EXOSC9: variants seen among roughly 807,000 people sequenced by gnomAD.
The protein encoded by EXOSC9 is exosome component 9.
In EXOSC9, 38 loss-of-function variants were observed where a neutral mutation model predicts 56.5. The observed-to-expected ratio is 0.67, with a 90% CI of 0.52 to 0.88. The LOEUF (loss-of-function observed/expected upper bound fraction) is 0.88, where lower values mean the gene tolerates loss of function less well. Among genes scored for constraint, EXOSC9 ranks in the 40% least tolerant of loss-of-function variants. The probability of loss-of-function intolerance (pLI) is 0.00; values close to 1 mark genes in which losing one functional copy is unlikely to be tolerated. For synonymous variants in EXOSC9, 170 were observed against 170.8 expected (o/e 0.99, Z 0.04); for missense variants, 559 against 530.5 (o/e 1.05, Z -0.53).
rs1726864690 is a variant in EXOSC9, at chr4:121,801,555, T to TA, written c.66+66dup. On this transcript the variant is annotated intron_variant, in intron 1 of 11. Transcript: ENST00000243498. ...GCTCGGGTCTCAAGGTGTGGACTGA[T>TA]ACCTGGCCCGCCTGGGCCCGGGGAG... 4.8e-6 allele frequency: 7 copies of TA among 1,471,806 alleles called. No individual in the cohort carries two copies. In the Admixed American group the frequency reaches 1.0e-4, roughly 21 times the overall value. 91.2% of individuals were successfully genotyped at this position (1,471,806 alleles called of 1,614,324 possible).
chr4:121,812,279 G>T (rs910683528), intron 8 of EXOSC9, among the ~76,000 whole-genome samples: 1 of 152,256 alleles, frequency 6.6e-6, no homozygotes, highest in African/African-American at 2.4e-5. Flanking sequence ...ACAACACAGG[G>T]AACAGGAAAT....
At chr4:121,811,826 G>A (rs1259234883) in intron 8 of EXOSC9, among the ~76,000 whole-genome samples, 155 bp downstream of exon 8, 1 of 152,144 alleles carries the variant, frequency 6.6e-6, no homozygotes, top group Non-Finnish European at 1.5e-5. Flanking sequence ...ATTAAAAAGT[G>A]TAAATACCAT....
rs982833680 is a variant in EXOSC9 at position 121,801,864 on chromosome 4, T to A, written c.104T>A (p.Ile35Asn). 1.9e-6 allele frequency: 3 copies of A among 1,613,898 alleles called. No individual in the cohort carries two copies. The highest frequency in any genetic ancestry group is 2.5e-6 in the Non-Finnish European group (3 of 1,179,912). Reference sequence around the variant, plus strand: ...AGACAAACCTATGATTATAGGAACATCAGGATCTCATTTGGAACAGATTAC... The same window carrying A: ...AGACAAACCTATGATTATAGGAACAACAGGATCTCATTTGGAACAGATTAC... ...DGRQTYDYRN[I>N]RISFGTDYGC... Residue 35 changes from isoleucine to asparagine, a missense_variant, in exon 2 of 12, where the codon ATC becomes AAC. Coordinates refer to ENST00000243498, the MANE Select transcript of EXOSC9 (RefSeq NM_005033.3).
intron 11 of EXOSC9, 50 bp downstream of exon 11, chr4:121,816,497 T>A (rs572070376): frequency 8.3e-7 from 1 of 1,208,430 alleles, no homozygotes. Context: ...TCAACACTTA[T>A]AGAGGTTTGC....
rs573770664 is a variant in EXOSC9, at chr4:121,813,740, T to A, written c.975-126T>A. The A allele has an allele frequency of 3.6e-4, 240 of 674,102 alleles. 1 individual carries two copies. Among genetic ancestry groups the A allele is most frequent in the Non-Finnish European group, 4.9e-4 (201 of 413,342 alleles). 41.8% of individuals were successfully genotyped at this position (674,102 alleles called of 1,614,324 possible). On this transcript the variant is annotated intron_variant, in intron 9 of 11. Coordinates refer to ENST00000243498, the MANE Select transcript of EXOSC9 (RefSeq NM_005033.3). The stretch of plus-strand genomic sequence containing the variant: ...CCATCCATAGTGTAGCTATATTAAG[T>A]TTTTTTTCCCCTAGGAACTTGGGGC...
Position 121,816,840 on chromosome 4 carries a change from A to G in EXOSC9, c.1304A>G (p.Lys435Arg). 6.3e-7 allele frequency: 1 copy of G among 1,592,890 alleles called. No individual in the cohort carries two copies. Among genetic ancestry groups the G allele is most frequent in the Non-Finnish European group, 8.6e-7 (1 of 1,167,124 alleles). Residue 435 changes from lysine (K) to arginine (R), a missense_variant, in exon 12 of 12, where the codon AAG becomes AGG. Transcript: ENST00000243498. Reference sequence around the variant, plus strand: ...AAGCCAGTGAAAAGAAGAAAAAAGAAGAGAGCTGCCAATTAAAGCTAACAG... The same window carrying G: ...AAGCCAGTGAAAAGAAGAAAAAAGAGGAGAGCTGCCAATTAAAGCTAACAG... ...SKKPVKRRKK[K>R]RAAN
rs545304173 is a variant in EXOSC9 at position 121,816,883 on chromosome 4, T to TAACTA, written c.*28_*32dup. 68 of 1,512,118 alleles carry TAACTA rather than the reference T, an allele frequency of 4.5e-5. No homozygotes were observed. The highest frequency in any genetic ancestry group is 5.5e-5 in the Non-Finnish European group (62 of 1,124,162). 93.7% of individuals were successfully genotyped at this position (1,512,118 alleles called of 1,614,324 possible). ...GCTAACAGTTGTATATCTGTATATA[T>TAACTA]AACTATTAAAAGGGATATTTATTCC... is the stretch of plus-strand genomic sequence containing the variant. On this transcript the variant is annotated 3_prime_UTR_variant, in exon 12 of 12. Coordinates refer to ENST00000243498, the MANE Select transcript of EXOSC9 (RefSeq NM_005033.3).
rs200078687 is a variant in EXOSC9, at chr4:121,816,372, C to G, written c.1160C>G (p.Ala387Gly). 4.1e-6 allele frequency: 6 copies of G among 1,462,808 alleles called. No homozygotes were observed. The East Asian group carries it at 1.2e-4, about 29-fold the overall frequency. 90.6% of individuals were successfully genotyped at this position (1,462,808 alleles called of 1,614,324 possible). A position where few individuals can be genotyped will look rare whatever the true frequency, so the allele number is the denominator to read the frequency against. Reference sequence around the variant, plus strand: ...TTAAATTAATAAAAAAACAAAGATGCTCCCATAATACTCTCAGATAGTGAA... The same window carrying G: ...TTAAATTAATAAAAAAACAAAGATGGTCCCATAATACTCTCAGATAGTGAA... ...VEVSDIGSQDAPIILSDSEEE... is the reference protein window; with the variant it reads ...VEVSDIGSQDGPIILSDSEEE... The change falls in exon 11 of 12, where the codon GCT becomes GGT. Residue 387 changes from alanine (A) to glycine (G), a missense_variant. Coordinates refer to ENST00000243498, the MANE Select transcript of EXOSC9 (RefSeq NM_005033.3).
In EXOSC9 at chr4:121,814,066, C is replaced by T. The variant is rs1369257082; in HGVS notation, c.1156+19C>T. On this transcript the variant is annotated intron_variant, in intron 10 of 11. Coordinates refer to ENST00000243498, the MANE Select transcript of EXOSC9 (RefSeq NM_005033.3). The stretch of plus-strand genomic sequence containing the variant: ...AGCCAAGGTAGGTGACACTTTATGG[C>T]ACACTTACTATATATTACATACATA... 5 of 1,372,796 alleles carry T rather than the reference C, an allele frequency of 3.6e-6. No individual in the cohort carries two copies. The African/African-American group carries it at 1.0e-4, about 29-fold the overall frequency. 85.0% of individuals were successfully genotyped at this position (1,372,796 alleles called of 1,614,324 possible).
chr4:121,809,219 T>C lies in EXOSC9; in HGVS notation c.606-748T>C, dbSNP rs921702118. On this transcript the variant is annotated intron_variant, in intron 6 of 11. Coordinates refer to ENST00000243498, the MANE Select transcript of EXOSC9 (RefSeq NM_005033.3). ...CCAGGCTGGTCCCAAACTCATGAGC[T>C]CAAGTGATCTTGCAGTCCTGACCTC... is the stretch of plus-strand genomic sequence containing the variant. 5.9e-5 allele frequency among the ~76,000 whole-genome samples: 9 copies of C among 151,840 alleles called. No homozygotes were observed. In the South Asian group the frequency reaches 6.2e-4, roughly 11 times the overall value.
chr4:121,807,551 A>G lies in EXOSC9; in HGVS notation c.534A>G (p.Glu178=), dbSNP rs974923996. 1.3e-5 allele frequency: 21 copies of G among 1,608,954 alleles called. No homozygotes were observed. The highest frequency in any genetic ancestry group is 1.7e-5 in the Non-Finnish European group (20 of 1,175,454). The change falls in exon 6 of 12, where the codon GAA becomes GAG. Residue 178 remains glutamate, a synonymous_variant. Transcript: ENST00000243498. ...TTCTTTTGAAACAGTATACACCTGA[A>G]GAGCGTGATCCTGTACCATTAAGTA... ...QGDEVTLYTP[E]ERDPVPLSIH...
Position 121,813,385 on chromosome 4 carries a change from C to A in EXOSC9, c.974+5C>A. On this transcript the variant is annotated splice_donor_5th_base_variant and intron_variant, in intron 9 of 11. Transcript: ENST00000243498. ...AGCAGAACCTCCTTCAGAAGTGTAT[C>A]TTTATTTGGTGGTTTTTGCAGTAAC... 6.2e-7 allele frequency: 1 copy of A among 1,610,006 alleles called. No homozygotes were observed. The highest frequency in any genetic ancestry group is 8.5e-7 in the Non-Finnish European group (1 of 1,178,588).
rs372318863 is a variant in EXOSC9 at position 121,804,718 on chromosome 4, C to T, written c.481C>T (p.Arg161Ter). Residue 161 changes from arginine to a stop codon, truncating the protein, a stop_gained, in exon 5 of 12, where the codon CGA (arginine) becomes TGA (stop). Coordinates refer to ENST00000243498, the MANE Select transcript of EXOSC9 (RefSeq NM_005033.3). LOFTEE classifies it high-confidence loss of function. ...IAAIVALCHF[R>*]RPDVSVQGDE... is the part of the protein sequence containing the mutation. ...TGCAATCGTGGCCTTATGTCATTTC[C>T]GAAGACCTGATGTCTCTGTCCAAGG... The T allele has an allele frequency of 1.5e-5, 25 of 1,612,964 alleles. No homozygotes were observed. The highest frequency in any genetic ancestry group is 1.5e-4 in the African/African-American group (11 of 74,902).
intron 5 of EXOSC9, among the ~76,000 whole-genome samples, chr4:121,805,631 A>G (rs550898244): frequency 6.6e-6 from 1 of 152,312 alleles, no homozygotes; most frequent in Admixed American, 6.5e-5. Context: ...AGTGAAAAAA[A>G]GTAGAAAGCG....
chr4:121,813,097 A>G (rs1229172912), intron 8 of EXOSC9, 137 bp from the exon 9 acceptor site: 2 of 771,832 alleles, frequency 2.6e-6, no homozygotes, highest in African/African-American at 3.5e-5. Context: ...GGTGAGGTTA[A>G]GTTAGATAAA....
chr4:121,816,729 C>G, intron 11 of EXOSC9, 43 bp from the exon 12 acceptor site: 1 of 1,525,882 alleles, frequency 6.6e-7, no homozygotes, highest in Non-Finnish European at 8.8e-7. Flanking sequence ...TAATCCAAAA[C>G]TTAACATACT....
chr4:121,816,672 CACATTT>C lies in EXOSC9; in HGVS notation c.1236-99_1236-94del. ...GGATGCCAGTCTTACTCATAGCTGA[CACATTT>C]TAGATCCTACTGGAAAACTAAGAAA... On this transcript the variant is annotated intron_variant, in intron 11 of 11. Coordinates refer to ENST00000243498, the MANE Select transcript of EXOSC9 (RefSeq NM_005033.3). 4 of 1,217,368 alleles carry C rather than the reference CACATTT, an allele frequency of 3.3e-6. No individual in the cohort carries two copies. In the South Asian group the frequency reaches 6.9e-5, roughly 21 times the overall value. The allele number at this position is 1,217,368 out of a possible 1,614,324, so 75.4% of individuals were successfully genotyped here.
intron 1 of EXOSC9, 41 bp downstream of exon 1, chr4:121,801,531 C>T (rs1275197210): frequency 6.2e-7 from 1 of 1,600,552 alleles, no homozygotes; most frequent in East Asian, 2.2e-5. Context: ...TGCGTGGGCG[C>T]TCGGGTCTCA....
rs1724541088 is a variant in EXOSC9, at chr4:121,816,957, T to C, written c.*101T>C. 1 of 1,149,262 alleles carries C rather than the reference T, an allele frequency of 8.7e-7. No homozygotes were observed. Among genetic ancestry groups the C allele is most frequent in the African/African-American group, 1.6e-5 (1 of 62,190 alleles). 71.2% of individuals were successfully genotyped at this position (1,149,262 alleles called of 1,614,324 possible). A position where few individuals can be genotyped will look rare whatever the true frequency, so the allele number is the denominator to read the frequency against. On this transcript the variant is annotated 3_prime_UTR_variant, in exon 12 of 12. Coordinates refer to ENST00000243498, the MANE Select transcript of EXOSC9 (RefSeq NM_005033.3). ...TTATTCACAAATCCATTATAAAATC[T>C]AGCAGGATTTTAAAAATAGTTTTTT...
Sources: gnomAD v4.1 joint callset for allele counts (sites outside exome capture counted in the v4.1 genomes callset) on GRCh38, gnomAD v4.1.1 for gene constraint, MANE v1.5 for transcripts, NCBI Gene and HGNC (gene_info 2026-07-23, HGNC 2026-07-21) for gene names.